The following ADAMTS12 variants were observed in gnomAD, a reference collection of about 807,000 sequenced individuals.
ADAMTS12 encodes the protein A disintegrin and metalloproteinase with thrombospondin motifs 12.
In ADAMTS12, 118 loss-of-function variants were observed where a neutral mutation model predicts 167.8. That is an observed-to-expected ratio of 0.70 (90% CI 0.61 to 0.82). The LOEUF (loss-of-function observed/expected upper bound fraction) is 0.82, where lower values mean the gene tolerates loss of function less well. Ranked by LOEUF, ADAMTS12 falls within the 40% of genes least tolerant of loss-of-function variation. The pLI, the probability that ADAMTS12 is intolerant of heterozygous loss-of-function variation, is 0.00. For synonymous variants in ADAMTS12, 704 were observed against 716.9 expected (o/e 0.98, Z 0.29); for missense variants, 1,916 against 1,998.8 (o/e 0.96, Z 0.79).
At chr5:33,760,837 T>C (rs1745326096) in intron 2 of ADAMTS12, among the ~76,000 whole-genome samples, 1 of 152,090 alleles carries the variant, frequency 6.6e-6, no homozygotes, top group South Asian at 2.1e-4. Flanking sequence ...CAATCTTCTA[T>C]CAGAAAAGTT....
intron 13 of ADAMTS12, 28 bp downstream of exon 13, chr5:33,630,752 T>C (rs1449304497): frequency 3.1e-6 from 5 of 1,594,940 alleles, no homozygotes; most frequent in Admixed American, 1.7e-5. Flanking sequence ...TTTTATAAAG[T>C]TGTAGATTAA....
chr5:33,577,143 A>G lies in ADAMTS12; in HGVS notation c.2883T>C (p.Gly961=). The G allele has an allele frequency of 6.2e-7, 1 of 1,614,184 alleles. No individual in the cohort carries two copies. Among genetic ancestry groups the G allele is most frequent in the Non-Finnish European group, 8.5e-7 (1 of 1,180,010 alleles). The change falls in exon 19 of 24, where the codon GGT becomes GGC. Residue 961 remains glycine, a synonymous_variant. Coordinates refer to ENST00000504830, the MANE Select transcript of ADAMTS12 (RefSeq NM_030955.4). ...TGACACTGCGAATCCGCACTCCACC[A>G]CCACAGGAAACAGAACACTAGAAGA... ...GNWSECSVSC[G]GGVRIRSVTC... is the part of the protein sequence containing the mutation.
intron 2 of ADAMTS12, among the ~76,000 whole-genome samples, chr5:33,763,537 T>C (rs999920763): frequency 1.3e-5 from 2 of 152,206 alleles, no homozygotes; most frequent in African/African-American, 4.8e-5. Context: ...TTTGTGGTGA[T>C]TTGTGAAAGC....
chr5:33,531,852 A>G (rs1356041034), intron 23 of ADAMTS12, among the ~76,000 whole-genome samples: 2 of 152,124 alleles, frequency 1.3e-5, no homozygotes, highest in African/African-American at 4.8e-5. Flanking sequence ...CCACTTTTTG[A>G]GAGTGGGGGA....
intron 2 of ADAMTS12, among the ~76,000 whole-genome samples, chr5:33,777,387 T>A (rs2331305): frequency 5.3e-5 from 8 of 152,076 alleles, no homozygotes; most frequent in Non-Finnish European, 8.8e-5. Flanking sequence ...CAAAAATTTT[T>A]AAAAATATGA....
chr5:33,668,417 G>C (rs1238166506), intron 5 of ADAMTS12, among the ~76,000 whole-genome samples: 4 of 152,160 alleles, frequency 2.6e-5, no homozygotes, highest in Admixed American at 2.6e-4. Flanking sequence ...CTGATATTTA[G>C]TGGTCCTGGC....
chr5:33,774,234 C>T (rs958953606), intron 2 of ADAMTS12, among the ~76,000 whole-genome samples: 13 of 152,070 alleles, frequency 8.5e-5, no homozygotes, highest in African/African-American at 1.9e-4. Flanking sequence ...CAGCCGTAAA[C>T]GAACCAGACA....
intron 1 of ADAMTS12, among the ~76,000 whole-genome samples, chr5:33,881,753 T>C (rs1448464908): frequency 4.2e-4 from 55 of 129,628 alleles, no homozygotes; most frequent in African/African-American, 1.8e-3. Flanking sequence ...TTTTTTTTTT[T>C]AGTAGAGACA....
intron 2 of ADAMTS12, among the ~76,000 whole-genome samples, chr5:33,787,064 C>A (rs915384117): frequency 3.3e-5 from 5 of 152,122 alleles, no homozygotes; most frequent in African/African-American, 1.2e-4. Flanking sequence ...GCTGAAAAGT[C>A]CTTTAGCTCT....
At chr5:33,705,266 G>GGTGTGTGTGTGT (rs70964413) in intron 3 of ADAMTS12, among the ~76,000 whole-genome samples, 7 of 143,914 alleles carry the variant, frequency 4.9e-5, no homozygotes, top group African/African-American at 1.3e-4. Context: ...AGTATTCCAT[G>GGTGTGTGTGTGT]GTGTGTGTGT....
chr5:33,595,448 C>T lies in ADAMTS12; in HGVS notation c.2654+486G>A, dbSNP rs145619639. ...TAAGCCTCCTGCAATTCACGGACAG[C>T]CCCCCACAACAAAGAGTCAGCCAGC... On this transcript the variant is annotated intron_variant, in intron 17 of 23. Transcript: ENST00000504830. Among the ~76,000 whole-genome samples the T allele has an allele frequency of 2.7e-4, 41 of 152,200 alleles. No homozygotes were observed. In the East Asian group the frequency reaches 7.2e-3, roughly 27 times the overall value.
intron 6 of ADAMTS12, among the ~76,000 whole-genome samples, chr5:33,660,321 C>T (rs1397285039): frequency 2.0e-5 from 3 of 152,150 alleles, no homozygotes; most frequent in Non-Finnish European, 4.4e-5. Flanking sequence ...CCGTTAACAG[C>T]AATGAGATTT....
intron 2 of ADAMTS12, among the ~76,000 whole-genome samples, chr5:33,843,997 T>C (rs1213258751): frequency 1.3e-5 from 2 of 152,238 alleles, no homozygotes; most frequent in African/African-American, 4.8e-5. Flanking sequence ...ATTAATACTT[T>C]CATAATTTAT....
In ADAMTS12 at chr5:33,847,349, A is replaced by G. The variant is rs185505593; in HGVS notation, c.489+33770T>C. Among the ~76,000 whole-genome samples, 202 of 152,320 alleles carry G rather than the reference A, an allele frequency of 1.3e-3. 1 individual carries two copies. The highest frequency in any genetic ancestry group is 4.7e-3 in the African/African-American group (195 of 41,574). On this transcript the variant is annotated intron_variant, in intron 2 of 23. Transcript: ENST00000504830. ...AAAAAACAGGAAGTTTCGGCCAGGC[A>G]CTGTGGCTCACGCCTGTAATCCCAG...
chr5:33,773,961 TC>T (rs1350480131), intron 2 of ADAMTS12, among the ~76,000 whole-genome samples: 2 of 152,140 alleles, frequency 1.3e-5, no homozygotes, highest in Non-Finnish European at 2.9e-5. Context: ...CACACTGCCA[TC>T]CGCCTCACCT....
intron 14 of ADAMTS12, among the ~76,000 whole-genome samples, chr5:33,617,142 G>A (rs180724618): frequency 3.3e-5 from 5 of 151,836 alleles, no homozygotes; most frequent in South Asian, 2.1e-4. Context: ...GAATGATGAC[G>A]TCTGCGGTCC....
At chr5:33,728,980 A>ATATG (rs1204161255) in intron 3 of ADAMTS12, among the ~76,000 whole-genome samples, 1 of 152,244 alleles carries the variant, frequency 6.6e-6, no homozygotes, top group Admixed American at 6.5e-5. Context: ...GCACATACAT[A>ATATG]TATGTGTATA....
chr5:33,796,504 A>T (rs1416019806), intron 2 of ADAMTS12, among the ~76,000 whole-genome samples: 1 of 152,226 alleles, frequency 6.6e-6, no homozygotes, highest in African/African-American at 2.4e-5. Context: ...GTGCCTAAAA[A>T]GGTGTTGCTC....
intron 23 of ADAMTS12, among the ~76,000 whole-genome samples, chr5:33,532,594 A>G (rs1744172794): frequency 6.6e-6 from 1 of 152,148 alleles, no homozygotes; most frequent in Admixed American, 6.5e-5. Flanking sequence ...TTAATCAATA[A>G]GAATGTAATG....
Sources: allele counts gnomAD v4.1 joint callset (sites outside exome capture counted in the v4.1 genomes callset), GRCh38; gene constraint gnomAD v4.1.1; transcripts MANE v1.5; gene names NCBI Gene and HGNC (gene_info 2026-07-23, HGNC 2026-07-21).